The following VPS13D variants were observed in gnomAD, a reference collection of about 807,000 sequenced individuals.
The protein encoded by VPS13D is intermembrane lipid transfer protein VPS13D.
Under a neutral mutation model 461.9 loss-of-function variants are expected in VPS13D, and 187 were observed. The observed-to-expected ratio is 0.40, with a 90% confidence interval of 0.36 to 0.46. The LOEUF (loss-of-function observed/expected upper bound fraction) is 0.46, where lower values mean the gene tolerates loss of function less well. Ranked by LOEUF, VPS13D falls within the 20% of genes least tolerant of loss-of-function variation. The pLI is 0.60. For missense variants in VPS13D, 4,711 were observed against 5,364.9 expected (o/e 0.88, Z 3.81); for synonymous variants, 1,951 against 1,986.3 (o/e 0.98, Z 0.47).
Position 12,308,585 on chromosome 1 carries a change from A to C in VPS13D, c.6594A>C (p.Gly2198=). 6.2e-7 allele frequency: 1 copy of C among 1,613,942 alleles called. No homozygotes were observed. Among genetic ancestry groups the C allele is most frequent in the Admixed American group, 1.7e-5 (1 of 59,998 alleles). The change falls in exon 27 of 70, where the codon GGA becomes GGC. Residue 2198 remains glycine, a synonymous_variant. Transcript: ENST00000620676. ...CCTATTTTGTGCGACAGACAGGAGG[A>C]AGCCTCTTAACCGAGCCTTGTAGGC... The part of the protein sequence containing the change: ...FPSYFVRQTG[G]SLLTEPCRLK...
At chr1:12,461,896 T>C (rs1645417866) in intron 67 of VPS13D, among the ~76,000 whole-genome samples, 1 of 152,204 alleles carries the variant, frequency 6.6e-6, no homozygotes, top group Non-Finnish European at 1.5e-5. Context: ...TTTTCATTCT[T>C]TTTAGGAGCA....
intron 60 of VPS13D, among the ~76,000 whole-genome samples, chr1:12,390,884 A>G (rs1279594730): frequency 1.3e-5 from 2 of 152,122 alleles, no homozygotes; most frequent in Admixed American, 1.3e-4. Flanking sequence ...GGCTGGGGAA[A>G]GAGGCCGAGT....
intron 30 of VPS13D, among the ~76,000 whole-genome samples, chr1:12,316,006 G>A (rs1379858667): frequency 2.0e-5 from 3 of 151,934 alleles, no homozygotes; most frequent in South Asian, 2.1e-4. Context: ...TAGTAGAAAC[G>A]GGGTTTCACC....
In VPS13D at chr1:12,400,610, T is replaced by G. The variant is rs72868256; in HGVS notation, c.11784+280T>G. On this transcript the variant is annotated intron_variant, in intron 61 of 69. Coordinates refer to ENST00000620676, the MANE Select transcript of VPS13D (RefSeq NM_015378.4). ...GAAGTCACTGTAGGAAAGTATAGCA[T>G]CTTCTAGATAGGTCAGGACCAGGCA... is the stretch of plus-strand genomic sequence containing the variant. Among the ~76,000 whole-genome samples the G allele has an allele frequency of 4.7e-3, 722 of 152,162 alleles. 5 individuals carry two copies. The highest frequency in any genetic ancestry group is 0.016 in the African/African-American group (682 of 41,508).
At chr1:12,404,038 CTATTTGT>C in intron 63 of VPS13D, 65 bp downstream of exon 63, 1 of 1,450,730 alleles carries the variant, frequency 6.9e-7, no homozygotes. Flanking sequence ...AGTGTGTTTA[CTATTTGT>C]TGTTTGTTGT....
chr1:12,459,821 C>T (rs372021281), intron 66 of VPS13D, among the ~76,000 whole-genome samples: 6 of 152,178 alleles, frequency 3.9e-5, no homozygotes, highest in South Asian at 2.1e-4. Context: ...AAACTTTCCC[C>T]GAAGGCCCAA....
intron 17 of VPS13D, among the ~76,000 whole-genome samples, chr1:12,272,108 C>G (rs1418504149): frequency 1.3e-5 from 2 of 152,178 alleles, no homozygotes; most frequent in African/African-American, 4.8e-5. Context: ...GGGAGGATTG[C>G]TTGAGCCCAG....
rs1642358061 is a variant in VPS13D, at chr1:12,299,328, G to T, written c.6160G>T (p.Val2054Phe). The change falls in exon 25 of 70, where the codon GTC becomes TTC. Residue 2054 changes from valine (V) to phenylalanine (F), a missense_variant. Around this residue, in one of 3 missense-constraint regions of VPS13D, gnomAD observed 4,411 missense variants for 4,937.8 expected, o/e 0.89. Coordinates refer to ENST00000620676, the MANE Select transcript of VPS13D (RefSeq NM_015378.4). This position sits in a 1 kb window ranked among gnomAD's most constrained non-coding sequence, Gnocchi z 4.2. ...LIVANLGKLK[V>F]KNKFLFAGFP... Reference sequence around the variant, plus strand: ...TGTAGCAAATTTGGGGAAGTTGAAAGTCAAAAATAAGTTTCTGTTTGCTGG... The same window carrying T: ...TGTAGCAAATTTGGGGAAGTTGAAATTCAAAAATAAGTTTCTGTTTGCTGG... 1.2e-6 allele frequency: 2 copies of T among 1,613,912 alleles called. No homozygotes were observed. The highest frequency in any genetic ancestry group is 2.2e-5 in the South Asian group (2 of 91,032).
chr1:12,273,977 A>G (rs572721243), intron 18 of VPS13D, among the ~76,000 whole-genome samples: 1 of 152,228 alleles, frequency 6.6e-6, no homozygotes, highest in African/African-American at 2.4e-5. Flanking sequence ...TTATTTACCT[A>G]GAAGTGGAGT....
rs533489625 is a variant in VPS13D at position 12,302,688 on chromosome 1, A to G, written c.6217-1818A>G. ...GATTCAGCAGTCAATCCACATTCACATGCTTTAAAAAGAAAATTAAAACCA... is the reference window on the plus strand; with the variant it reads ...GATTCAGCAGTCAATCCACATTCACGTGCTTTAAAAAGAAAATTAAAACCA... On this transcript the variant is annotated intron_variant, in intron 25 of 69. Coordinates refer to ENST00000620676, the MANE Select transcript of VPS13D (RefSeq NM_015378.4). Among the ~76,000 whole-genome samples, 3 of 152,312 alleles carry G rather than the reference A, an allele frequency of 2.0e-5. 1 individual carries two copies. Among genetic ancestry groups the G allele is most frequent in the South Asian group, 2.1e-4 (1 of 4,826 alleles).
Position 12,257,137 on chromosome 1 carries a change from G to C in VPS13D, c.941+50G>C, listed in dbSNP as rs746493945. ...GAAATTCATGTTAGAGCCTGTTCTT[G>C]CTATGTACATAGATCAGAAATATGC... is the stretch of plus-strand genomic sequence containing the variant. On this transcript the variant is annotated intron_variant, in intron 9 of 69. Coordinates refer to ENST00000620676, the MANE Select transcript of VPS13D (RefSeq NM_015378.4). 3 of 1,516,980 alleles carry C rather than the reference G, an allele frequency of 2.0e-6. No individual in the cohort carries two copies. In the East Asian group the frequency reaches 6.8e-5, roughly 34 times the overall value. The allele number at this position is 1,516,980 out of a possible 1,614,324, so 94.0% of individuals were successfully genotyped here.
chr1:12,333,329 A>C lies in VPS13D; in HGVS notation c.8391A>C (p.Lys2797Asn), dbSNP rs1465626529. The change falls in exon 38 of 70, where the codon AAA becomes AAC. Residue 2797 changes from lysine to asparagine, a missense_variant. This residue lies in a region of VPS13D where 4,411 missense variants were observed against 4,937.8 expected (regional missense o/e 0.89). Coordinates refer to ENST00000620676, the MANE Select transcript of VPS13D (RefSeq NM_015378.4). ...GACTGAAGCTAGAAGCCAAGGCCAAACCTCGTTTGGATATCAATATCACTT... is the reference window on the plus strand; with the variant it reads ...GACTGAAGCTAGAAGCCAAGGCCAACCCTCGTTTGGATATCAATATCACTT... ...PPRLKLEAKA[K>N]PRLDINITSV... 13 of 1,614,020 alleles carry C rather than the reference A, an allele frequency of 8.1e-6. No individual in the cohort carries two copies. Among genetic ancestry groups the C allele is most frequent in the Non-Finnish European group, 1.1e-5 (13 of 1,180,010 alleles).
At chr1:12,231,284 G>A (rs1639966694) in intron 1 of VPS13D, among the ~76,000 whole-genome samples, 1 of 152,220 alleles carries the variant, frequency 6.6e-6, no homozygotes, top group African/African-American at 2.4e-5. Context: ...CAGTCTGGCG[G>A]CCCTTGCTGA....
chr1:12,306,555 T>G (rs893550209), intron 26 of VPS13D, among the ~76,000 whole-genome samples: 4 of 152,330 alleles, frequency 2.6e-5, no homozygotes, highest in Admixed American at 1.3e-4. Flanking sequence ...ATAGAAAGAA[T>G]GTCTCTTTTT....
intron 44 of VPS13D, among the ~76,000 whole-genome samples, chr1:12,347,669 A>G (rs1035645411): frequency 1.3e-5 from 2 of 152,146 alleles, no homozygotes; most frequent in Admixed American, 1.3e-4. Flanking sequence ...TTTATTGTTT[A>G]TTGGATTGAC....
At chr1:12,452,338 C>T (rs1645273341) in intron 65 of VPS13D, among the ~76,000 whole-genome samples, 1 of 152,246 alleles carries the variant, frequency 6.6e-6, no homozygotes, top group South Asian at 2.1e-4. Context: ...GGGCCAGTCA[C>T]TCCCTACATG....
At chr1:12,385,190 G>C (rs1287829496) in intron 58 of VPS13D, 70 bp from the exon 59 acceptor site, 27 of 1,274,144 alleles carry the variant, frequency 2.1e-5, no homozygotes, top group South Asian at 5.0e-5. Context: ...CTACACAGTT[G>C]TTCTGGGTTA....
chr1:12,284,467 T>C (rs117530831), intron 21 of VPS13D, among the ~76,000 whole-genome samples: 3,122 of 152,280 alleles, frequency 0.021, 151 homozygotes, highest in Admixed American at 0.12. Context: ...CTGTAAGTAT[T>C]AAGAAAAAAA....
chr1:12,478,457 C>T (rs893805665), intron 67 of VPS13D: 4 of 191,190 alleles, frequency 2.1e-5, no homozygotes, highest in East Asian at 2.6e-4. Flanking sequence ...ATCATTAAGG[C>T]GTGTAATACA....
Sources: gnomAD v4.1 joint callset for allele counts (sites outside exome capture counted in the v4.1 genomes callset) on GRCh38, gnomAD v4.1.1 for gene constraint, gnomAD v4.1.1 regional missense constraint, Gnocchi (gnomAD v3.1) non-coding constraint, MANE v1.5 for transcripts, NCBI Gene and HGNC (gene_info 2026-07-23, HGNC 2026-07-21) for gene names.